Variants in DLC1 observed in about 807,000 individuals in gnomAD.
DLC1 encodes DLC1 Rho GTPase activating protein, also known as rho GTPase-activating protein 7.
A neutral mutation model predicts 140.3 loss-of-function variants in DLC1; 54 were observed. The observed-to-expected ratio is 0.38, with a 90% CI of 0.31 to 0.48. The LOEUF is 0.48. Among genes scored for constraint, DLC1 ranks in the 20% least tolerant of loss-of-function variants. The pLI, the probability that DLC1 is intolerant of heterozygous loss-of-function variation, is 0.96. For missense variants in DLC1, 2,536 were observed against 1,907.0 expected, an observed-to-expected ratio of 1.33 and a Z score of -6.14; for synonymous variants, 986 against 728.1, an observed-to-expected ratio of 1.35 and a Z score of -5.70.
Position 13,095,073 on chromosome 8 carries a change from G to A in DLC1, c.3327+13C>T, listed in dbSNP as rs770651668. 3 of 1,614,060 alleles carry A rather than the reference G, an allele frequency of 1.9e-6. No individual in the cohort carries two copies. Among genetic ancestry groups the A allele is most frequent in the South Asian group, 2.2e-5 (2 of 91,078 alleles). Reference sequence around the variant, plus strand: ...CTCCCCTGAGTACGTGGACCCGCAGGCAGCGCTCTCACCTGATCCAAACAA... The same window carrying A: ...CTCCCCTGAGTACGTGGACCCGCAGACAGCGCTCTCACCTGATCCAAACAA... On this transcript the variant is annotated intron_variant, in intron 11 of 17. Coordinates refer to ENST00000276297, the MANE Select transcript of DLC1 (RefSeq NM_182643.3).
At chr8:13,517,102 A>G (rs13265555), upstream of DLC1, among the ~76,000 whole-genome samples, 6,155 of 152,282 alleles carry the variant, frequency 0.04, 186 homozygotes, top group Non-Finnish European at 0.058. Context: ...TTGTGTATTT[A>G]TGTTTATTTC....
intron 2 of DLC1, among the ~76,000 whole-genome samples, chr8:13,406,992 G>A (rs1290674588): frequency 1.3e-5 from 2 of 152,200 alleles, no homozygotes; most frequent in African/African-American, 4.8e-5. Flanking sequence ...CTTTGGGACT[G>A]CAACCAGCTG....
intron 2 of DLC1, among the ~76,000 whole-genome samples, chr8:13,402,175 C>G (rs377679214): frequency 3.3e-5 from 5 of 152,302 alleles, no homozygotes; most frequent in African/African-American, 1.2e-4. Flanking sequence ...AATCTCTTCT[C>G]TTGAGTTTCT....
At chr8:13,357,187 C>T (rs1159790587) in intron 4 of DLC1, among the ~76,000 whole-genome samples, 2 of 152,092 alleles carry the variant, frequency 1.3e-5, no homozygotes, top group Non-Finnish European at 2.9e-5. Flanking sequence ...CCAGGAATCG[C>T]TTGAACCTGG....
At chr8:13,328,851 A>G (rs1267994066) in intron 4 of DLC1, among the ~76,000 whole-genome samples, 1 of 152,146 alleles carries the variant, frequency 6.6e-6, no homozygotes, top group Non-Finnish European at 1.5e-5. Context: ...AATGAGCTGG[A>G]CAGTCAATAG....
chr8:13,453,420 ATATGTG>A lies in DLC1; in HGVS notation c.1023+45623_1023+45628del, dbSNP rs1349387248. Among the ~76,000 whole-genome samples, 155 of 22,554 alleles carry A rather than the reference ATATGTG, an allele frequency of 6.9e-3. 5 individuals are homozygous for A. The highest frequency in any genetic ancestry group is 0.019 in the Middle Eastern group (1 of 52). The allele number at this position is 22,554 out of a possible 152,430, so 14.8% of individuals were successfully genotyped here. On this transcript the variant is annotated intron_variant, in intron 2 of 17. Coordinates refer to ENST00000276297, the MANE Select transcript of DLC1 (RefSeq NM_182643.3). ...TATATATGTGTATATATATATATAT[ATATGTG>A]TATATATATATGTATATATATACAT...
intron 4 of DLC1, among the ~76,000 whole-genome samples, chr8:13,310,168 C>T (rs1296249356): frequency 6.6e-6 from 1 of 152,134 alleles, no homozygotes; most frequent in Non-Finnish European, 1.5e-5. Context: ...TTTTGTCCTG[C>T]AGTACACAAA....
At chr8:13,338,484 C>T (rs1833897574) in intron 4 of DLC1, 1 of 152,140 alleles carries the variant, frequency 6.6e-6, no homozygotes, top group South Asian at 2.1e-4. Flanking sequence ...ACTCTCCTTA[C>T]TGTAGTGGAA....
chr8:13,457,431 C>A (rs920127218), intron 2 of DLC1, among the ~76,000 whole-genome samples: 1 of 152,052 alleles, frequency 6.6e-6, no homozygotes, highest in African/African-American at 2.4e-5. Flanking sequence ...GTAATCCCAG[C>A]ACTTTGAGAG....
chr8:13,229,738 CT>C (rs1828959361), intron 5 of DLC1, among the ~76,000 whole-genome samples: 1 of 152,034 alleles, frequency 6.6e-6, no homozygotes, highest in Non-Finnish European at 1.5e-5. Context: ...AAGTGGGTGA[CT>C]TTACCAAGAG....
At chr8:13,375,855 A>G (rs981893222) in intron 4 of DLC1, among the ~76,000 whole-genome samples, 6 of 152,208 alleles carry the variant, frequency 3.9e-5, no homozygotes, top group African/African-American at 1.4e-4. Flanking sequence ...TTGGCAGAGT[A>G]TTACGCTTTT....
At chr8:13,368,957 G>A (rs1012468511) in intron 4 of DLC1, among the ~76,000 whole-genome samples, 2 of 152,130 alleles carry the variant, frequency 1.3e-5, no homozygotes, top group Admixed American at 1.3e-4. Context: ...CCAAGTAGCT[G>A]AGATTACAGG....
At chr8:13,171,004 A>G (rs1231118966) in intron 5 of DLC1, among the ~76,000 whole-genome samples, 1 of 152,166 alleles carries the variant, frequency 6.6e-6, no homozygotes, top group African/African-American at 2.4e-5. Flanking sequence ...ACTATAACTC[A>G]TGTTATGTTT....
Position 13,534,807 on chromosome 8 carries a change from A to AT in DLC1, c.-125-34612dup, listed in dbSNP as rs531538170. Among the ~76,000 whole-genome samples the AT allele has an allele frequency of 2.4e-3, 366 of 152,214 alleles. 2 individuals are homozygous for AT. Among genetic ancestry groups the AT allele is most frequent in the African/African-American group, 8.4e-3 (350 of 41,530 alleles). On this transcript the variant is annotated intron_variant, in intron 1 of 1. Coordinates refer to the DLC1 transcript ENST00000631382. ...GGCTTCTATAAAGAGCTTGCTTTACATTTTTTAAAAGTTTTACTCTTGCAC... is the reference window on the plus strand; with the variant it reads ...GGCTTCTATAAAGAGCTTGCTTTACATTTTTTTAAAAGTTTTACTCTTGCAC...
chr8:13,199,177 C>CTTTTTTTTTTTTTTTTTTTTT (rs71207132), intron 5 of DLC1, among the ~76,000 whole-genome samples: 2 of 93,288 alleles, frequency 2.1e-5, no homozygotes, highest in Non-Finnish European at 2.0e-5. Context: ...TTCTCTTTTT[C>CTTTTTTTTTTTTTTTTTTTTT]TTTTTTTTTT....
In DLC1 at chr8:13,499,763, G is replaced by A. The variant is rs531471351; in HGVS notation, c.309C>T (p.Ser103=). ...GEDQFLSLEA[S]TETLVHVSDE... ...CAGAAACATGCACTAGTGTTTCTGT[G>A]CTGGCTTCCAGAGAAAGAAACTGAT... Residue 103 remains serine (S), a synonymous_variant, in exon 2 of 18, where the codon AGC becomes AGT. Transcript: ENST00000276297. The A allele has an allele frequency of 6.2e-7, 1 of 1,614,032 alleles. No individual in the cohort carries two copies. The highest frequency in any genetic ancestry group is 1.7e-5 in the Admixed American group (1 of 60,014).
intron 1 of DLC1, among the ~76,000 whole-genome samples, chr8:13,527,418 A>G (rs1006286100): frequency 2.0e-5 from 3 of 152,164 alleles, no homozygotes; most frequent in African/African-American, 7.2e-5. Context: ...TGAATGTTAG[A>G]CAAATGTTGC....
intron 5 of DLC1, among the ~76,000 whole-genome samples, chr8:13,294,075 A>G (rs943014172): frequency 3.9e-5 from 6 of 152,210 alleles, no homozygotes; most frequent in Non-Finnish European, 4.4e-5. Context: ...GAATAGTTTC[A>G]CTATGCGGAA....
At chr8:13,593,179 G>A (rs1468601846) in intron 1 of DLC1, among the ~76,000 whole-genome samples, 1 of 152,096 alleles carries the variant, frequency 6.6e-6, no homozygotes, top group Non-Finnish European at 1.5e-5. Context: ...ATTAGCAGCA[G>A]GCCAAGAGGT....
Sources: allele counts gnomAD v4.1 joint callset (sites outside exome capture counted in the v4.1 genomes callset), GRCh38; gene constraint gnomAD v4.1.1; transcripts MANE v1.5; gene names NCBI Gene and HGNC (gene_info 2026-07-23, HGNC 2026-07-21).